TAOK3: variants seen among roughly 807,000 people sequenced by gnomAD.
TAOK3 encodes TAO kinase 3.
In TAOK3, 40 loss-of-function variants were observed where a neutral mutation model predicts 120.4. The ratio of observed to expected loss-of-function variants is 0.33; its 90% CI spans 0.26 to 0.43. The LOEUF is 0.43. Among genes scored for constraint, TAOK3 ranks in the 20% least tolerant of loss-of-function variants. The pLI is 1.00. For synonymous variants in TAOK3, 355 were observed against 387.5 expected, an observed-to-expected ratio of 0.92 and a Z score of 0.99; for missense variants, 821 against 1,112.1, an observed-to-expected ratio of 0.74 and a Z score of 3.72.
Position 118,161,715 on chromosome 12 carries a change from TC to T in TAOK3, c.2139+72del. The stretch of plus-strand genomic sequence containing the variant: ...GAAATTTGTGATTCTGAAAAGTTGC[TC>T]AGGTGACTCTGACACTTCAGGTAGA... On this transcript the variant is annotated intron_variant, in intron 18 of 20. Transcript: ENST00000392533. This position sits in a 1 kb window ranked among gnomAD's most constrained non-coding sequence, Gnocchi z 4.5. 6.4e-7 allele frequency: 1 copy of T among 1,572,528 alleles called. No homozygotes were observed. The highest frequency in any genetic ancestry group is 8.7e-7 in the Non-Finnish European group (1 of 1,155,390).
chr12:118,178,879 C>A (rs1042833008), intron 15 of TAOK3, among the ~76,000 whole-genome samples: 3 of 152,200 alleles, frequency 2.0e-5, no homozygotes, highest in African/African-American at 7.2e-5. Flanking sequence ...GTGACCAAAT[C>A]TGTTTCTGGT....
chr12:118,324,787 C>T (rs1443542165), intron 1 of TAOK3, among the ~76,000 whole-genome samples: 1 of 139,270 alleles, frequency 7.2e-6, no homozygotes, highest in Non-Finnish European at 1.5e-5. Flanking sequence ...CTCTGTCACC[C>T]AGGCTGGAGT....
At chr12:118,339,321 G>A (rs1253829169) in intron 1 of TAOK3, among the ~76,000 whole-genome samples, 2 of 86,246 alleles carry the variant, frequency 2.3e-5, no homozygotes, top group African/African-American at 9.5e-5. Context: ...TTTCGCTCTT[G>A]TTGCCCAGGC....
intron 2 of TAOK3, among the ~76,000 whole-genome samples, chr12:118,260,656 A>G (rs2041188286): frequency 6.6e-6 from 1 of 152,132 alleles, no homozygotes; most frequent in African/African-American, 2.4e-5. Flanking sequence ...AAACAGATTC[A>G]AAGTAAACCT....
chr12:118,201,500 A>T, intron 11 of TAOK3, 37 bp from the exon 12 acceptor site: 1 of 1,586,242 alleles, frequency 6.3e-7, no homozygotes, highest in Non-Finnish European at 8.6e-7. Context: ...ACTGATAATG[A>T]AGAAATGTCC....
chr12:118,284,924 G>C (rs114426893), intron 1 of TAOK3, among the ~76,000 whole-genome samples: 2,267 of 151,650 alleles, frequency 0.015, 53 homozygotes, highest in African/African-American at 0.051. Flanking sequence ...GCAACAAATT[G>C]AGATGAGTAG....
chr12:118,304,045 T>A (rs368357765), intron 1 of TAOK3, among the ~76,000 whole-genome samples: 1 of 152,224 alleles, frequency 6.6e-6, no homozygotes, highest in Non-Finnish European at 1.5e-5. Context: ...AACAACACTT[T>A]GCTGAAGAGA....
chr12:118,157,657 A>G (rs1469548725), intron 19 of TAOK3, among the ~76,000 whole-genome samples: 2 of 152,204 alleles, frequency 1.3e-5, no homozygotes, highest in African/African-American at 4.8e-5. Context: ...CATTACACGG[A>G]GTAGACTTTT....
chr12:118,308,878 T>A (rs187677629), intron 1 of TAOK3, among the ~76,000 whole-genome samples: 1 of 121,550 alleles, frequency 8.2e-6, no homozygotes, highest in East Asian at 2.5e-4. Flanking sequence ...TGCAGTGACC[T>A]GAGATCGCAC....
intron 9 of TAOK3, among the ~76,000 whole-genome samples, chr12:118,221,157 G>T (rs2039210339): frequency 6.6e-6 from 1 of 152,196 alleles, no homozygotes; most frequent in East Asian, 1.9e-4. Flanking sequence ...AGCCTAAAAT[G>T]CTTATTATCT....
At position 118,371,001 on chromosome 12, in the gene TAOK3, AT is replaced by A. The variant is rs2045877061; in HGVS notation, c.-194+1646del. Among the ~76,000 whole-genome samples the A allele has an allele frequency of 6.6e-6, 1 of 152,202 alleles. No individual in the cohort carries two copies. On this transcript the variant is annotated intron_variant, in intron 1 of 20. Transcript: ENST00000392533. This position sits in a 1 kb window ranked among gnomAD's most constrained non-coding sequence, Gnocchi z 5.5. ...TGCGACTCCAAAACCTCTTTTGAAA[AT>A]TTAGTTTGACCTTCCAACTATCTCC...
chr12:118,320,463 A>G (rs2043656938), intron 1 of TAOK3, among the ~76,000 whole-genome samples: 1 of 152,114 alleles, frequency 6.6e-6, no homozygotes, highest in South Asian at 2.1e-4. Context: ...ACTGAACAAT[A>G]ATATACTTGA....
chr12:118,188,295 T>G (rs537258425), intron 14 of TAOK3, among the ~76,000 whole-genome samples: 105 of 152,234 alleles, frequency 6.9e-4, no homozygotes, highest in Non-Finnish European at 1.4e-3. Context: ...ATTTCTTCTT[T>G]TGTCAGATAT....
chr12:118,174,060 G>A (rs1240683242), intron 16 of TAOK3, among the ~76,000 whole-genome samples: 1 of 152,124 alleles, frequency 6.6e-6, no homozygotes, highest in Non-Finnish European at 1.5e-5. Context: ...TTCATGCCGT[G>A]ATGTCACTAC....
intron 1 of TAOK3, among the ~76,000 whole-genome samples, chr12:118,330,654 G>T (rs1297904976): frequency 6.8e-6 from 1 of 147,364 alleles, no homozygotes; most frequent in Non-Finnish European, 1.5e-5. Flanking sequence ...TAAATGTGTT[G>T]ATTGATAAAA....
chr12:118,333,640 T>C (rs2044241156), intron 1 of TAOK3, among the ~76,000 whole-genome samples: 1 of 150,398 alleles, frequency 6.6e-6, no homozygotes, highest in Non-Finnish European at 1.5e-5. Context: ...AGAACAGAAA[T>C]CTATTAAATT....
chr12:118,151,096 T>C lies in TAOK3; in HGVS notation c.2598A>G (p.Glu866=). ...ERSERIKNLL[E]RQEREIETFD... is the part of the protein sequence containing the mutation. ...AAGTTTCAATCTCTCGCTCTTGCCT[T>C]TCCAATAGGTTCTTTATTCTCTCGC... The change falls in exon 21 of 21, where the codon GAA becomes GAG. Residue 866 remains glutamate, a synonymous_variant. Transcript: ENST00000392533. 2 of 1,614,048 alleles carry C rather than the reference T, an allele frequency of 1.2e-6. No homozygotes were observed. The highest frequency in any genetic ancestry group is 1.7e-6 in the Non-Finnish European group (2 of 1,180,030).
chr12:118,158,476 C>A (rs2034991511), intron 19 of TAOK3, among the ~76,000 whole-genome samples: 1 of 152,198 alleles, frequency 6.6e-6, no homozygotes, highest in Non-Finnish European at 1.5e-5. Flanking sequence ...GGCATCCAAA[C>A]TCACTCTTTT....
At chr12:118,180,587 T>C (rs912104354) in intron 15 of TAOK3, among the ~76,000 whole-genome samples, 1 of 152,186 alleles carries the variant, frequency 6.6e-6, no homozygotes, top group Non-Finnish European at 1.5e-5. Flanking sequence ...GGACGAGAGA[T>C]GTTCCCTAGA....
Sources: gnomAD v4.1 joint callset for allele counts (sites outside exome capture counted in the v4.1 genomes callset) on GRCh38, gnomAD v4.1.1 for gene constraint, Gnocchi (gnomAD v3.1) non-coding constraint, MANE v1.5 for transcripts, NCBI Gene and HGNC (gene_info 2026-07-23, HGNC 2026-07-21) for gene names.